Variants in LRP4 observed in about 807,000 individuals in gnomAD.
The protein encoded by LRP4 is LDL receptor related protein 4.
Under a neutral mutation model 220.3 loss-of-function variants are expected in LRP4, and 95 were observed. The ratio of observed to expected loss-of-function variants is 0.43; its 90% CI spans 0.37 to 0.51. LRP4 has a LOEUF of 0.51. Among genes scored for constraint, LRP4 ranks in the 20% least tolerant of loss-of-function variants. The probability of loss-of-function intolerance (pLI) is 0.00; values close to 1 mark genes in which losing one functional copy is unlikely to be tolerated. For synonymous variants in LRP4, 903 were observed against 954.6 expected, an observed-to-expected ratio of 0.95 and a Z score of 1.00; for missense variants, 1,925 against 2,567.0, an observed-to-expected ratio of 0.75 and a Z score of 5.40.
In LRP4 at chr11:46,900,274, C is replaced by T. The variant is rs769246087; in HGVS notation, c.304G>A (p.Glu102Lys). The T allele has an allele frequency of 6.8e-6, 11 of 1,613,580 alleles. No homozygotes were observed. The highest frequency in any genetic ancestry group is 9.3e-6 in the Non-Finnish European group (11 of 1,179,488). Reference protein sequence around the residue: ...GDNDCEDDSDEQDCPPRECEE... With the variant: ...GDNDCEDDSDKQDCPPRECEE... The stretch of plus-strand genomic sequence containing the variant: ...TGCCAACACTCACGACAGTCCTGCT[C>T]ATCCGAGTCATCCTCACAGTCGTTG... Residue 102 changes from glutamate (E) to lysine (K), a missense_variant, in exon 3 of 38, where the codon GAG (glutamate) becomes AAG (lysine). Glu to Lys is a moderately conservative substitution (Grantham distance 56, BLOSUM62 1). This residue lies in a region of LRP4 where 412 missense variants were observed against 505.4 expected (regional missense o/e 0.82). Transcript: ENST00000378623.
chr11:46,886,163 C>G lies in LRP4; in HGVS notation c.2434G>C (p.Asp812His), dbSNP rs1941288305. 1.9e-6 allele frequency: 3 copies of G among 1,614,024 alleles called. No homozygotes were observed. Among genetic ancestry groups the G allele is most frequent in the Non-Finnish European group, 2.5e-6 (3 of 1,179,910 alleles). ...CCAGCTGGGCTCTCCAAACTGGTAT[C>G]CACTACCACCTGGGCAGGAAGCAAA... ...WDGTGQEVVV[D>H]TSLESPAGLA... is the part of the protein sequence containing the mutation. The change falls in exon 18 of 38, where the codon GAT (aspartate) becomes CAT (histidine). Residue 812 changes from aspartate to histidine, a missense_variant. This residue lies in a region of LRP4 where 1,244 missense variants were observed against 1,624.9 expected (regional missense o/e 0.77). Coordinates refer to ENST00000378623, the MANE Select transcript of LRP4 (RefSeq NM_002334.4).
At position 46,876,561 on chromosome 11, in the gene LRP4, C is replaced by A. The variant is rs1941024862; in HGVS notation, c.3441G>T (p.Arg1147=). ...KVYWTDTGTN[R]IEVGNLDGSM... The stretch of plus-strand genomic sequence containing the variant: ...ACCCGTCCAGGTTGCCCACTTCAAT[C>A]CGGTTTGTTCCCGTGTCTGTCCAGT... The change falls in exon 25 of 38, where the codon CGG becomes CGT. Residue 1147 remains arginine (R), a synonymous_variant. Transcript: ENST00000378623. 6.2e-7 allele frequency: 1 copy of A among 1,614,108 alleles called. No homozygotes were observed. Among genetic ancestry groups the A allele is most frequent in the Admixed American group, 1.7e-5 (1 of 60,006 alleles).
intron 7 of LRP4, among the ~76,000 whole-genome samples, chr11:46,897,762 C>T (rs1263793996): frequency 4.1e-4 from 63 of 152,356 alleles, no homozygotes; most frequent in African/African-American, 1.5e-3. Flanking sequence ...AAAAGTCTCC[C>T]ATGTATACTT....
intron 28 of LRP4, chr11:46,874,375 TA>T (rs1471636559): frequency 5.8e-6 from 1 of 170,958 alleles, no homozygotes; most frequent in East Asian, 1.5e-4. Context: ...AGACTAAAAA[TA>T]AAACAACGAA....
In LRP4 at chr11:46,877,349, G is replaced by A; in HGVS notation, c.3137-10C>T. ...AGGAAACTGTTCATGCCTGCCAGGT[G>A]GAGAGGAGGGAAGAGGATCACTCGA... On this transcript the variant is annotated splice_polypyrimidine_tract_variant and intron_variant, in intron 22 of 37. Coordinates refer to ENST00000378623, the MANE Select transcript of LRP4 (RefSeq NM_002334.4). 1 of 1,614,058 alleles carries A rather than the reference G, an allele frequency of 6.2e-7. No homozygotes were observed. Among genetic ancestry groups the A allele is most frequent in the Non-Finnish European group, 8.5e-7 (1 of 1,180,028 alleles).
Position 46,873,283 on chromosome 11 carries a change from C to T in LRP4, c.4449-49G>A, listed in dbSNP as rs1303551920. The T allele has an allele frequency of 6.2e-7, 1 of 1,613,698 alleles. No homozygotes were observed. Among genetic ancestry groups the T allele is most frequent in the Non-Finnish European group, 8.5e-7 (1 of 1,179,818 alleles). On this transcript the variant is annotated intron_variant, in intron 29 of 37. Transcript: ENST00000378623. The surrounding 1 kb of genome is among the most constrained non-coding windows in gnomAD (Gnocchi z 4.2). ...CATCAAGGCATGGGAAGACAGCACC[C>T]AGAGGTTGAGAGAACACAGAGGACC...
At position 46,878,909 on chromosome 11, in the gene LRP4, G is replaced by C. The variant is rs773916703; in HGVS notation, c.3134C>G (p.Pro1045Arg). ...AGATCTGTGATGCTTTCACTCACCT[G>C]GTGAGCAGGTCTTGCCATCAGACAG... is the stretch of plus-strand genomic sequence containing the variant. The part of the protein sequence containing the change: ...NLLSDGKTCS[P>R]GMNSFLIFAR... The change falls in exon 22 of 38, where the codon CCA becomes CGA. Residue 1045 changes from proline to arginine, a missense_variant and splice_region_variant. Physicochemically the swap from Pro to Arg is moderately radical, Grantham distance 103. Coordinates refer to ENST00000378623, the MANE Select transcript of LRP4 (RefSeq NM_002334.4). The C allele has an allele frequency of 6.2e-7, 1 of 1,614,180 alleles. No individual in the cohort carries two copies. Among genetic ancestry groups the C allele is most frequent in the Non-Finnish European group, 8.5e-7 (1 of 1,180,052 alleles).
chr11:46,876,112 C>G, intron 25 of LRP4, 146 bp from the exon 26 acceptor site: 3 of 830,430 alleles, frequency 3.6e-6, no homozygotes, highest in Non-Finnish European at 4.0e-6. Context: ...TTGCAAAATA[C>G]TTCATGTGCA....
chr11:46,865,015 A>C, intron 35 of LRP4, 104 bp downstream of exon 35: 1 of 952,178 alleles, frequency 1.1e-6, no homozygotes, highest in East Asian at 2.6e-5. Flanking sequence ...GTTTAAAAAG[A>C]GTTCATCAAC....
chr11:46,887,233 T>C (rs1941315385), intron 16 of LRP4, among the ~76,000 whole-genome samples: 2 of 152,210 alleles, frequency 1.3e-5, no homozygotes, highest in Admixed American at 1.3e-4. Context: ...CTGGTCAGTC[T>C]GAATACTTTC....
rs926960884 is a variant in LRP4 at position 46,883,856 on chromosome 11, G to A, written c.2612+15C>T. 2.5e-6 allele frequency: 4 copies of A among 1,599,306 alleles called. No homozygotes were observed. Among genetic ancestry groups the A allele is most frequent in the Non-Finnish European group, 3.4e-6 (4 of 1,166,662 alleles). On this transcript the variant is annotated intron_variant, in intron 19 of 37. Coordinates refer to ENST00000378623, the MANE Select transcript of LRP4 (RefSeq NM_002334.4). ...AGGGGTGGATGGAGCTCATTCCCAAGGGGCAGCCACTCACCCGCCCATGGG... is the reference window on the plus strand; with the variant it reads ...AGGGGTGGATGGAGCTCATTCCCAAAGGGCAGCCACTCACCCGCCCATGGG...
Position 46,858,971 on chromosome 11 carries a change from G to T in LRP4, c.*12C>A, listed in dbSNP as rs763721993. 4 of 1,612,490 alleles carry T rather than the reference G, an allele frequency of 2.5e-6. No homozygotes were observed. Among genetic ancestry groups the T allele is most frequent in the Non-Finnish European group, 3.4e-6 (4 of 1,178,996 alleles). On this transcript the variant is annotated 3_prime_UTR_variant, in exon 38 of 38. Transcript: ENST00000378623. ...AGAAGGAACAGGCAGGCAGGGAAGA[G>T]AATGTGGGCATTTAGACCTGGCTCT...
In LRP4 at chr11:46,881,700, A is replaced by G. The variant is rs1365976052; in HGVS notation, c.2814+2T>C. 6.2e-7 allele frequency: 1 copy of G among 1,611,522 alleles called. No homozygotes were observed. Among genetic ancestry groups the G allele is most frequent in the Non-Finnish European group, 8.5e-7 (1 of 1,179,238 alleles). On this transcript the variant is annotated splice_donor_variant, in intron 20 of 37. Coordinates refer to ENST00000378623, the MANE Select transcript of LRP4 (RefSeq NM_002334.4). LOFTEE classifies it high-confidence loss of function. ...TTACCTTCCTCTTACTGCCACCCTT[A>G]CCTTCCTCTTACTGCCATCCAGTCC...
In LRP4 at chr11:46,875,892, A is replaced by G; in HGVS notation, c.3611T>C (p.Val1204Ala). The G allele has an allele frequency of 1.2e-6, 2 of 1,613,952 alleles. No individual in the cohort carries two copies. The highest frequency in any genetic ancestry group is 1.7e-6 in the Non-Finnish European group (2 of 1,179,980). Reference protein sequence around the residue: ...RSGMDGSDRAVLINNNLGWPN... With the variant: ...RSGMDGSDRAALINNNLGWPN... ...CCATCCTAGGTTGTTGTTGATGAGC[A>G]CCGCGCGGTCTGAGCCATCCATTCC... The change falls in exon 26 of 38, where the codon GTG becomes GCG. Residue 1204 changes from valine to alanine, a missense_variant. By Grantham distance (64) the Val-to-Ala change is moderately conservative. Transcript: ENST00000378623. This position sits in a 1 kb window ranked among gnomAD's most constrained non-coding sequence, Gnocchi z 4.5.
chr11:46,881,639 C>G (rs1398617487), intron 20 of LRP4, 63 bp downstream of exon 20: 1 of 1,494,618 alleles, frequency 6.7e-7, no homozygotes, highest in African/African-American at 1.4e-5. Flanking sequence ...GTCCTGGAGG[C>G]TGTCAAGGCT....
Position 46,879,293 on chromosome 11 carries a change from G to A in LRP4, c.2837C>T (p.Pro946Leu), listed in dbSNP as rs368880157. 4 of 1,614,180 alleles carry A rather than the reference G, an allele frequency of 2.5e-6. No homozygotes were observed. The highest frequency in any genetic ancestry group is 1.7e-5 in the Admixed American group (1 of 60,022). The change falls in exon 21 of 38, where the codon CCC becomes CTC. Residue 946 changes from proline to leucine, a missense_variant. Pro to Leu is a moderately conservative substitution (Grantham distance 98). Transcript: ENST00000378623. ...KRKVLIGSQL[P>L]HPFGLTLYGE... ...ATAGAGGGTCAGCCCAAATGGGTGG[G>A]GGAGCTGGCTTCCAATCAGCACCTG...
chr11:46,860,432 C>T (rs1940516434), intron 37 of LRP4, among the ~76,000 whole-genome samples: 1 of 152,024 alleles, frequency 6.6e-6, no homozygotes, highest in African/African-American at 2.4e-5. Flanking sequence ...GAGTTCTGCT[C>T]GGGCCTCTCC....
intron 37 of LRP4, among the ~76,000 whole-genome samples, chr11:46,861,641 T>C (rs2134756898): frequency 6.8e-6 from 1 of 146,596 alleles, no homozygotes; most frequent in South Asian, 2.2e-4. Flanking sequence ...TCCTCCTACC[T>C]CAGCCTCCTG....
At chr11:46,914,253 A>G (rs1941913835) in intron 1 of LRP4, among the ~76,000 whole-genome samples, 1 of 152,182 alleles carries the variant, frequency 6.6e-6, no homozygotes, top group Non-Finnish European at 1.5e-5. Flanking sequence ...GAGATTTTGC[A>G]CAGGGTCACC....
Sources: gnomAD v4.1 joint callset for allele counts (sites outside exome capture counted in the v4.1 genomes callset) on GRCh38, gnomAD v4.1.1 for gene constraint, gnomAD v4.1.1 regional missense constraint, Gnocchi (gnomAD v3.1) non-coding constraint, MANE v1.5 for transcripts, NCBI Gene and HGNC (gene_info 2026-07-23, HGNC 2026-07-21) for gene names.